The following VSTM2A variants were observed in gnomAD, a reference collection of about 807,000 sequenced individuals.
VSTM2A encodes the protein V-set and transmembrane domain-containing protein 2A.
VSTM2A carries 13 observed loss-of-function variants against 27.3 expected under a neutral mutation model. The observed-to-expected ratio is 0.48, with a 90% CI of 0.31 to 0.76. The LOEUF (loss-of-function observed/expected upper bound fraction) is 0.76, where lower values mean the gene tolerates loss of function less well. VSTM2A is among the 30% of genes least tolerant of loss of function. VSTM2A has a pLI of 0.05. For missense variants in VSTM2A, 280 were observed against 310.0 expected (o/e 0.90, Z 0.73); for synonymous variants, 142 against 125.7 (o/e 1.13, Z -0.87).
chr7:54,554,112 T>C, intron 4 of VSTM2A: 1 of 1,548,826 alleles, frequency 6.5e-7, no homozygotes, highest in Non-Finnish European at 8.7e-7. Context: ...AAAGCTGTCA[T>C]GCAAGTCACT....
intron 4 of VSTM2A, among the ~76,000 whole-genome samples, chr7:54,565,045 G>A (rs945145789): frequency 2.2e-4 from 29 of 130,164 alleles, no homozygotes; most frequent in African/African-American, 7.5e-4. Flanking sequence ...GGTATATGTG[G>A]TACATTTCCT....
Position 54,542,642 on chromosome 7 carries a change from G to C in VSTM2A, c.-89G>C. 8.2e-7 allele frequency: 1 copy of C among 1,216,194 alleles called. No homozygotes were observed. Among genetic ancestry groups the C allele is most frequent in the Non-Finnish European group, 1.2e-6 (1 of 835,286 alleles). 75.3% of individuals were successfully genotyped at this position (1,216,194 alleles called of 1,614,324 possible). A position where few individuals can be genotyped will look rare whatever the true frequency, so the allele number is the denominator to read the frequency against. On this transcript the variant is annotated 5_prime_UTR_variant, in exon 1 of 5. It removes the in-frame stop codon of an upstream open reading frame in the 5' UTR. Transcript: ENST00000402613. ...TTTGCAGTGTCGCGCCCAGGGCTCT[G>C]AGACTGAGCCTGCCATCCACTCGCA...
chr7:54,568,578 C>G (rs1345232984), intron 4 of VSTM2A, among the ~76,000 whole-genome samples: 1 of 151,856 alleles, frequency 6.6e-6, no homozygotes, highest in Non-Finnish European at 1.5e-5. Context: ...TGCACCCACC[C>G]TAGAACAAGT....
chr7:54,561,499 A>G (rs747897276), intron 4 of VSTM2A, among the ~76,000 whole-genome samples: 1 of 152,232 alleles, frequency 6.6e-6, no homozygotes, highest in Non-Finnish European at 1.5e-5. Flanking sequence ...TTAAAATGAT[A>G]TTTAATGACA....
intron 4 of VSTM2A, among the ~76,000 whole-genome samples, chr7:54,566,240 T>G (rs998724550): frequency 3.3e-5 from 5 of 152,246 alleles, no homozygotes; most frequent in African/African-American, 1.2e-4. Context: ...CTGTAAATTT[T>G]CTTCACATAA....
rs1393497085 is a variant in VSTM2A at position 54,569,199 on chromosome 7, C to A, written c.703C>A (p.Pro235Thr). 1.3e-6 allele frequency: 2 copies of A among 1,551,658 alleles called. No individual in the cohort carries two copies. Among genetic ancestry groups the A allele is most frequent in the Non-Finnish European group, 1.7e-6 (2 of 1,146,958 alleles). Residue 235 changes from proline to threonine, a missense_variant, in exon 5 of 5, where the codon CCT becomes ACT. Transcript: ENST00000402613. Reference protein sequence around the residue: ...AKLTLNSKHHPAPTVL With the variant: ...AKLTLNSKHHTAPTVL ...GTTGACCCTAAACTCCAAGCACCAC[C>A]CTGCACCCACTGTACTCTAATTCAC...
At chr7:54,547,132 C>A in intron 3 of VSTM2A, 135 bp downstream of exon 3, 3 of 895,838 alleles carry the variant, frequency 3.3e-6, no homozygotes, top group Non-Finnish European at 3.2e-6. Context: ...TCATTAGATA[C>A]ATACAAATGG....
chr7:54,542,797 C>T lies in VSTM2A; in HGVS notation c.67C>T (p.Leu23Phe), dbSNP rs746645756. 8 of 1,613,732 alleles carry T rather than the reference C, an allele frequency of 5.0e-6. No homozygotes were observed. Among genetic ancestry groups the T allele is most frequent in the Non-Finnish European group, 6.8e-6 (8 of 1,179,786 alleles). Reference sequence around the variant, plus strand: ...TTCCGTTTTATATGTACAACAAGGGCTTTCTTCTCAAGGTAAGTCTTGCTC... The same window carrying T: ...TTCCGTTTTATATGTACAACAAGGGTTTTCTTCTCAAGGTAAGTCTTGCTC... ...FFSVLYVQQG[L>F]SSQAKFTEFP... Residue 23 changes from leucine to phenylalanine, a missense_variant, in exon 1 of 5, where the codon CTT (leucine) becomes TTT (phenylalanine). Coordinates refer to ENST00000402613, the MANE Select transcript of VSTM2A (RefSeq NM_001301009.2).
rs141420394 is a variant in VSTM2A, at chr7:54,549,982, A to G, written c.446A>G (p.Asn149Ser). 1.7e-4 allele frequency: 274 copies of G among 1,613,468 alleles called. 1 individual carries two copies. Among genetic ancestry groups the G allele is most frequent in the African/African-American group, 9.1e-4 (68 of 75,030 alleles). Residue 149 changes from asparagine to serine, a missense_variant, in exon 4 of 5, where the codon AAT (asparagine) becomes AGT (serine). Asn to Ser is a conservative substitution (Grantham distance 46, BLOSUM62 1). Transcript: ENST00000402613. ...AAGGCCCAGGCCTATCTGAAAGTCA[A>G]TGCCAACAGCCATGCCCGCAGAATG... ...EHKAQAYLKV[N>S]ANSHARRMQA...
chr7:54,565,133 T>C (rs1256285558), intron 4 of VSTM2A, among the ~76,000 whole-genome samples: 6 of 137,468 alleles, frequency 4.4e-5, no homozygotes, highest in Non-Finnish European at 3.3e-5. Flanking sequence ...GAAAGGTTGC[T>C]TGCCTCAGGT....
chr7:54,553,451 C>G (rs977148722), intron 4 of VSTM2A, among the ~76,000 whole-genome samples: 1 of 152,194 alleles, frequency 6.6e-6, no homozygotes, highest in Non-Finnish European at 1.5e-5. Context: ...CAAACCCACT[C>G]TCCTCTGCCC....
At position 54,544,659 on chromosome 7, in the gene VSTM2A, C is replaced by G. The variant is rs767405485; in HGVS notation, c.117C>G (p.Thr39=). ...AGTTTCCGCGGAACGTGACGGCGAC[C>G]GAGGGGCAGAATGTGGAGATGTCCT... The part of the protein sequence containing the change: ...FTEFPRNVTA[T]EGQNVEMSCA... Residue 39 remains threonine, a synonymous_variant, in exon 2 of 5, where the codon ACC becomes ACG. Coordinates refer to ENST00000402613, the MANE Select transcript of VSTM2A (RefSeq NM_001301009.2). 2 of 1,612,978 alleles carry G rather than the reference C, an allele frequency of 1.2e-6. No homozygotes were observed. The highest frequency in any genetic ancestry group is 1.7e-5 in the Admixed American group (1 of 60,026).
chr7:54,544,339 A>G (rs1417951260), intron 1 of VSTM2A, among the ~76,000 whole-genome samples: 2 of 152,208 alleles, frequency 1.3e-5, no homozygotes, highest in Non-Finnish European at 2.9e-5. Context: ...GACAAAAGGT[A>G]TTTGGATCTA....
At chr7:54,558,026 C>T (rs1788427886) in intron 4 of VSTM2A, 1 of 152,108 alleles carries the variant, frequency 6.6e-6, no homozygotes, top group Admixed American at 6.5e-5. Flanking sequence ...ATATTAGCCA[C>T]CAGCTGTCTT....
chr7:54,550,296 G>A, intron 4 of VSTM2A, 126 bp downstream of exon 4: 1 of 1,491,004 alleles, frequency 6.7e-7, no homozygotes, highest in Non-Finnish European at 8.9e-7. Flanking sequence ...TTCAGTGCAA[G>A]TGATTATGAG....
intron 4 of VSTM2A, chr7:54,553,973 C>A (rs751153534): frequency 6.4e-7 from 1 of 1,552,880 alleles, no homozygotes; most frequent in South Asian, 1.2e-5. Flanking sequence ...TTCCCACCTT[C>A]CCAACGTCAC....
intron 4 of VSTM2A, among the ~76,000 whole-genome samples, chr7:54,561,732 A>G (rs895084687): frequency 6.6e-6 from 1 of 152,194 alleles, no homozygotes; most frequent in African/African-American, 2.4e-5. Flanking sequence ...GGAAAAGGGT[A>G]AGGCCACTGG....
rs145218697 is a variant in VSTM2A at position 54,557,491 on chromosome 7, G to A, written c.634+7321G>A. On this transcript the variant is annotated intron_variant, in intron 4 of 4. Coordinates refer to ENST00000402613, the MANE Select transcript of VSTM2A (RefSeq NM_001301009.2). ...TTGGATTACAGGTGCGCACCACCACGCCCGGCTAATTTTTGTATTTCCAGT... is the reference window on the plus strand; with the variant it reads ...TTGGATTACAGGTGCGCACCACCACACCCGGCTAATTTTTGTATTTCCAGT... 8.7e-3 allele frequency among the ~76,000 whole-genome samples: 1,314 copies of A among 151,792 alleles called. 24 individuals carry two copies. The highest frequency in any genetic ancestry group is 0.03 in the African/African-American group (1,248 of 41,388).
chr7:54,548,780 T>C (rs1041499749), intron 3 of VSTM2A, among the ~76,000 whole-genome samples: 21 of 152,104 alleles, frequency 1.4e-4, no homozygotes, highest in African/African-American at 5.1e-4. Flanking sequence ...TACCTCTATA[T>C]GTAAAAGCAG....
Sources: gnomAD v4.1 joint callset for allele counts (sites outside exome capture counted in the v4.1 genomes callset) on GRCh38, gnomAD v4.1.1 for gene constraint, MANE v1.5 for transcripts, NCBI Gene and HGNC (gene_info 2026-07-23, HGNC 2026-07-21) for gene names.